Variants in COBL observed in about 807,000 individuals in gnomAD.
COBL encodes the protein protein cordon-bleu.
Under a neutral mutation model 98.8 loss-of-function variants are expected in COBL, and 51 were observed. The ratio of observed to expected loss-of-function variants is 0.52; its 90% CI spans 0.41 to 0.65. COBL has a LOEUF of 0.65. COBL is among the 30% of genes least tolerant of loss of function. COBL has a pLI of 0.00. For missense variants in COBL, 1,617 were observed against 1,617.5 expected (o/e 1.00, Z 0.01); for synonymous variants, 634 against 651.7 (o/e 0.97, Z 0.41).
rs990954227 is a variant in COBL at position 51,268,480 on chromosome 7, C to A, written c.41+48113G>T. On this transcript the variant is annotated intron_variant, in intron 1 of 12. Transcript: ENST00000265136. ...GTCTTTCCTACCACCCTTCCTGCAA[C>A]GCAGATGAACGCTGAGAAGAAGAGT... Among the ~76,000 whole-genome samples the A allele has an allele frequency of 3.3e-5, 5 of 152,130 alleles. No homozygotes were observed. The East Asian group carries it at 9.7e-4, about 29-fold the overall frequency.
intron 2 of COBL, among the ~76,000 whole-genome samples, chr7:51,212,646 C>T (rs554218825): frequency 6.6e-6 from 1 of 152,338 alleles, no homozygotes; most frequent in African/African-American, 2.4e-5. Flanking sequence ...GTTCATGCCA[C>T]CCCACCAGTG....
intron 7 of COBL, 58 bp from the exon 8 acceptor site, chr7:51,043,750 T>C: frequency 6.8e-7 from 1 of 1,468,054 alleles, no homozygotes; most frequent in East Asian, 2.3e-5. Context: ...CCATACTGCC[T>C]AACAAGTGTG....
rs182445470 is a variant in COBL, at chr7:51,300,567, C to G, written c.41+16026G>C. Among the ~76,000 whole-genome samples the G allele has an allele frequency of 5.9e-5, 9 of 152,290 alleles. No homozygotes were observed. In the East Asian group the frequency reaches 1.7e-3, roughly 29 times the overall value. ...TGTTAGAAGGAGCCATGTGGTATGT[C>G]AGAAGGAGCTGCCTGCTCCTACAGG... On this transcript the variant is annotated intron_variant, in intron 1 of 12. Coordinates refer to ENST00000265136, the MANE Select transcript of COBL (RefSeq NM_015198.5).
At chr7:51,256,773 T>G (rs1797239006) in intron 1 of COBL, among the ~76,000 whole-genome samples, 1 of 152,232 alleles carries the variant, frequency 6.6e-6, no homozygotes, top group South Asian at 2.1e-4. Context: ...GGTGCTCTAA[T>G]GAGAAGTTTT....
intron 1 of COBL, among the ~76,000 whole-genome samples, chr7:51,231,650 T>C (rs1233585802): frequency 1.3e-5 from 2 of 152,144 alleles, no homozygotes; most frequent in Non-Finnish European, 2.9e-5. Flanking sequence ...AGGTGGTTCC[T>C]GGAAGCAGGT....
intron 1 of COBL, among the ~76,000 whole-genome samples, chr7:51,223,991 G>A (rs900572214): frequency 2.9e-4 from 44 of 152,288 alleles, no homozygotes; most frequent in African/African-American, 1.0e-3. Context: ...AGTCCCCTAA[G>A]ACTGTAATAC....
chr7:51,277,485 C>T (rs4948213), intron 1 of COBL, among the ~76,000 whole-genome samples: 3 of 151,972 alleles, frequency 2.0e-5, no homozygotes, highest in South Asian at 2.1e-4. Context: ...TAAAAATTGA[C>T]GACAGGACTG....
In COBL at chr7:51,219,141, G is replaced by A. The variant is rs182355474; in HGVS notation, c.245+600C>T. Among the ~76,000 whole-genome samples the A allele has an allele frequency of 2.6e-3, 396 of 152,316 alleles. 3 individuals are homozygous for A. Among genetic ancestry groups the A allele is most frequent in the Non-Finnish European group, 3.8e-3 (261 of 68,028 alleles). On this transcript the variant is annotated intron_variant, in intron 2 of 12. Coordinates refer to ENST00000265136, the MANE Select transcript of COBL (RefSeq NM_015198.5). ...CAGCCGCACCTTTTGTGAGTGAAGT[G>A]CAGTGAGACACTCAGCCACGGGCAG...
chr7:51,279,579 G>A (rs896518628), intron 1 of COBL, among the ~76,000 whole-genome samples: 11 of 152,034 alleles, frequency 7.2e-5, no homozygotes, highest in Non-Finnish European at 1.5e-4. Context: ...GACAACCCAC[G>A]CCCCACCAGA....
At chr7:51,072,459 T>A (rs1450301607) in intron 7 of COBL, 1 of 152,232 alleles carries the variant, frequency 6.6e-6, no homozygotes, top group East Asian at 1.9e-4. Context: ...ACCTCTGGCA[T>A]CTTTATCACA....
chr7:51,081,418 C>T (rs1162654098), intron 7 of COBL, among the ~76,000 whole-genome samples: 1 of 152,194 alleles, frequency 6.6e-6, no homozygotes, highest in Non-Finnish European at 1.5e-5. Context: ...TTTCTCTCCG[C>T]CACTTCGCTC....
intron 7 of COBL, among the ~76,000 whole-genome samples, chr7:51,083,837 A>G (rs1793928002): frequency 1.3e-5 from 2 of 152,190 alleles, no homozygotes; most frequent in Non-Finnish European, 2.9e-5. Flanking sequence ...TCAGGCCTCC[A>G]GGGCGGAATC....
At chr7:51,234,076 A>G (rs944254922) in intron 1 of COBL, among the ~76,000 whole-genome samples, 3 of 152,246 alleles carry the variant, frequency 2.0e-5, no homozygotes, top group African/African-American at 7.2e-5. Flanking sequence ...ATGCAGAAAT[A>G]AGAGGCCCAG....
chr7:51,203,216 C>A (rs1791308893), intron 2 of COBL, among the ~76,000 whole-genome samples: 1 of 138,818 alleles, frequency 7.2e-6, no homozygotes, highest in African/African-American at 3.0e-5. Flanking sequence ...AAAAAAAAAA[C>A]TCTTGGGAGG....
At chr7:51,229,504 G>T (rs562847726) in intron 1 of COBL, among the ~76,000 whole-genome samples, 1 of 152,272 alleles carries the variant, frequency 6.6e-6, no homozygotes, top group South Asian at 2.1e-4. Flanking sequence ...CACCTTCTTG[G>T]AGTTTTCCAG....
chr7:51,108,062 G>C (rs1290825118), intron 6 of COBL, among the ~76,000 whole-genome samples: 3 of 152,032 alleles, frequency 2.0e-5, no homozygotes, highest in Non-Finnish European at 4.4e-5. Flanking sequence ...TTTCCATCCT[G>C]CCTGGTGCCT....
intron 5 of COBL, among the ~76,000 whole-genome samples, chr7:51,162,756 C>T (rs1313486512): frequency 6.6e-6 from 1 of 152,218 alleles, no homozygotes; most frequent in Non-Finnish European, 1.5e-5. Flanking sequence ...GTTCTGCATG[C>T]TGGGCCAGAA....
At chr7:51,121,442 C>A (rs1797729896) in intron 6 of COBL, among the ~76,000 whole-genome samples, 1 of 152,164 alleles carries the variant, frequency 6.6e-6, no homozygotes, top group Non-Finnish European at 1.5e-5. Context: ...TTGCAAATAT[C>A]TTCTCCCATT....
At chr7:51,230,792 C>T (rs559701533) in intron 1 of COBL, among the ~76,000 whole-genome samples, 1 of 152,352 alleles carries the variant, frequency 6.6e-6, no homozygotes, top group East Asian at 1.9e-4. Context: ...CCCTCATCGC[C>T]CACATCGTGG....
Sources: allele counts gnomAD v4.1 joint callset (sites outside exome capture counted in the v4.1 genomes callset), GRCh38; gene constraint gnomAD v4.1.1; transcripts MANE v1.5; gene names NCBI Gene and HGNC (gene_info 2026-07-23, HGNC 2026-07-21).